The following IL1RAPL1 variants were observed in gnomAD, a reference collection of about 807,000 sequenced individuals.
IL1RAPL1 encodes interleukin 1 receptor accessory protein like 1, also known as interleukin-1 receptor accessory protein-like 1.
In IL1RAPL1, 3 loss-of-function variants were observed where a neutral mutation model predicts 48.4. That is an observed-to-expected ratio of 0.06 (90% CI 0.03 to 0.16). IL1RAPL1 has a LOEUF of 0.16. IL1RAPL1 is among the 10% of genes least tolerant of loss of function. The pLI, the probability that IL1RAPL1 is intolerant of heterozygous loss-of-function variation, is 1.00. For synonymous variants in IL1RAPL1, 185 were observed against 187.7 expected, an observed-to-expected ratio of 0.99 and a Z score of 0.12; for missense variants, 349 against 530.6, an observed-to-expected ratio of 0.66 and a Z score of 3.36.
At chrX:29,625,348 T>C (rs1924587187) in intron 5 of IL1RAPL1, among the ~76,000 whole-genome samples, 1 of 112,284 alleles carries the variant, frequency 8.9e-6, no homozygotes, top group Admixed American at 9.5e-5. Flanking sequence ...TTTTTTCTTA[T>C]ATTTGATTTA....
At chrX:29,128,573 C>G (rs1278024238) in intron 2 of IL1RAPL1, among the ~76,000 whole-genome samples, 1 of 111,512 alleles carries the variant, frequency 9.0e-6, no homozygotes, top group Non-Finnish European at 1.9e-5. Context: ...ATTCCCCTTT[C>G]ATGAGTGGTT....
chrX:29,917,881 G>A (rs949458887), intron 7 of IL1RAPL1, among the ~76,000 whole-genome samples: 3 of 107,743 alleles, frequency 2.8e-5, no homozygotes, highest in Non-Finnish European at 5.7e-5. Context: ...CCAGCACTTT[G>A]GGAGGTCAGA....
intron 2 of IL1RAPL1, among the ~76,000 whole-genome samples, chrX:29,160,097 G>A (rs1035104612): frequency 8.9e-6 from 1 of 111,851 alleles, no homozygotes; most frequent in East Asian, 2.8e-4. Context: ...AGGACACTAC[G>A]TTTTCTGAAA....
intron 3 of IL1RAPL1, among the ~76,000 whole-genome samples, chrX:29,290,463 T>C (rs190736448): frequency 1.8e-5 from 2 of 112,567 alleles, no homozygotes; most frequent in Non-Finnish European, 3.8e-5. Context: ...TTCAATATTT[T>C]CATTGCCTAC....
chrX:29,606,085 C>T (rs967881748), intron 5 of IL1RAPL1, among the ~76,000 whole-genome samples: 3 of 111,904 alleles, frequency 2.7e-5, no homozygotes, highest in African/African-American at 9.7e-5. Flanking sequence ...AAATATTTTT[C>T]TCTACTTAAT....
intron 5 of IL1RAPL1, among the ~76,000 whole-genome samples, chrX:29,636,143 A>C (rs943028147): frequency 1.2e-4 from 13 of 112,182 alleles, no homozygotes; most frequent in Non-Finnish European, 2.4e-4. Flanking sequence ...TCCAGTGGAT[A>C]ATATGACAAA....
intron 1 of IL1RAPL1, among the ~76,000 whole-genome samples, chrX:28,673,755 G>A (rs778805392): frequency 1.3e-4 from 15 of 111,529 alleles, no homozygotes; most frequent in Non-Finnish European, 2.4e-4. Context: ...ACCTAGGAGT[G>A]CCTGCAACAA....
chrX:29,577,265 G>T (rs191783075), intron 5 of IL1RAPL1, among the ~76,000 whole-genome samples: 35 of 111,526 alleles, frequency 3.1e-4, no homozygotes, highest in African/African-American at 1.1e-3. Flanking sequence ...TTTTATAAAT[G>T]AGTGAACAAA....
chrX:29,771,799 A>G (rs914788840), intron 6 of IL1RAPL1, among the ~76,000 whole-genome samples: 1 of 111,740 alleles, frequency 8.9e-6, no homozygotes, highest in Non-Finnish European at 1.9e-5. Flanking sequence ...TAATAAAGAC[A>G]TACCCAAGAC....
intron 1 of IL1RAPL1, among the ~76,000 whole-genome samples, chrX:28,765,829 C>T (rs1162518800): frequency 8.9e-6 from 1 of 111,780 alleles, no homozygotes; most frequent in African/African-American, 3.2e-5. Flanking sequence ...AACACATGGA[C>T]GTGTTTATTA....
chrX:29,734,798 G>A (rs756786721), intron 6 of IL1RAPL1, among the ~76,000 whole-genome samples: 13 of 111,336 alleles, frequency 1.2e-4, no homozygotes, highest in Non-Finnish European at 2.1e-4. Flanking sequence ...GCTGAATAGA[G>A]ATTACAATTT....
At chrX:29,906,683 T>TAATA (rs1276234848) in intron 6 of IL1RAPL1, among the ~76,000 whole-genome samples, 1 of 105,700 alleles carries the variant, frequency 9.5e-6, no homozygotes, top group Non-Finnish European at 1.9e-5. Context: ...GGACCTGCCC[T>TAATA]AATATTTTTC....
At chrX:29,738,450 C>CT (rs59952038) in intron 6 of IL1RAPL1, among the ~76,000 whole-genome samples, 1,645 of 86,048 alleles carry the variant, frequency 0.019, 14 homozygotes, top group Admixed American at 0.03. Flanking sequence ...CTTTTCTTTT[C>CT]TTTTTTTTTT....
Position 29,077,623 on chromosome X carries a change from GAAAAA to G in IL1RAPL1, c.83-205314_83-205310del, listed in dbSNP as rs1251216500. 2.1e-4 allele frequency among the ~76,000 whole-genome samples: 21 copies of G among 101,576 alleles called. 1 individual carries two copies. The South Asian group carries it at 8.2e-3, about 40-fold the overall frequency. The allele number at this position is 101,576 out of a possible 115,157, so 88.2% of individuals were successfully genotyped here. A position where few individuals can be genotyped will look rare whatever the true frequency, so the allele number is the denominator to read the frequency against. On this transcript the variant is annotated intron_variant, in intron 2 of 10. Coordinates refer to ENST00000378993, the MANE Select transcript of IL1RAPL1 (RefSeq NM_014271.4). Reference sequence around the variant, plus strand: ...GTCTCAAAAAGAAAAAAAAAAAAAAGAAAAAGAAAACCGAAAACCTACCAAATAAG... The same window carrying G: ...GTCTCAAAAAGAAAAAAAAAAAAAAGGAAAACCGAAAACCTACCAAATAAG...
At chrX:28,872,154 G>C (rs779046733) in intron 2 of IL1RAPL1, among the ~76,000 whole-genome samples, 1 of 105,559 alleles carries the variant, frequency 9.5e-6, no homozygotes, top group Non-Finnish European at 1.9e-5. Flanking sequence ...ACTACAGGGG[G>C]GAAACCACCA....
At chrX:28,857,203 G>A (rs982440034) in intron 2 of IL1RAPL1, among the ~76,000 whole-genome samples, 2 of 112,053 alleles carry the variant, frequency 1.8e-5, no homozygotes, top group African/African-American at 6.5e-5. Flanking sequence ...TATAAAGGTA[G>A]CAGATGTTGG....
intron 5 of IL1RAPL1, among the ~76,000 whole-genome samples, chrX:29,449,780 C>CACACACACACACACAGAG (rs557765024): frequency 5.2e-5 from 3 of 58,247 alleles, no homozygotes; most frequent in East Asian, 6.5e-4. Flanking sequence ...CACACACACA[C>CACACACACACACACAGAG]AGAGAGAGAG....
At chrX:29,441,662 G>A (rs757618239) in intron 5 of IL1RAPL1, among the ~76,000 whole-genome samples, 3 of 111,406 alleles carry the variant, frequency 2.7e-5, no homozygotes, top group South Asian at 3.7e-4. Context: ...ATGATTCCAC[G>A]TGCTTACTTA....
At chrX:28,997,736 C>T (rs1319670001) in intron 2 of IL1RAPL1, among the ~76,000 whole-genome samples, 3 of 111,622 alleles carry the variant, frequency 2.7e-5, no homozygotes, top group African/African-American at 9.8e-5. Flanking sequence ...TTCAGTTTCT[C>T]AGTCTATTTC....
Sources: gnomAD v4.1 joint callset for allele counts (sites outside exome capture counted in the v4.1 genomes callset) on GRCh38, gnomAD v4.1.1 for gene constraint, MANE v1.5 for transcripts, NCBI Gene and HGNC (gene_info 2026-07-23, HGNC 2026-07-21) for gene names.